KLHL1: variants seen among roughly 807,000 people sequenced by gnomAD.
KLHL1 encodes the protein kelch like family member 1, also known as kelch-like protein 1.
In KLHL1, 47 loss-of-function variants were observed where a neutral mutation model predicts 77.7. That is an observed-to-expected ratio of 0.60 (90% CI 0.48 to 0.77). The LOEUF is 0.77. KLHL1 is among the 30% of genes least tolerant of loss of function. The pLI is 0.00. For synonymous variants in KLHL1, 360 were observed against 325.2 expected (o/e 1.11, Z -1.15); for missense variants, 925 against 910.8 (o/e 1.02, Z -0.20).
rs10549532 is a variant in KLHL1, at chr13:69,996,910, A to ATTTTTTTTTTTTTTTTTT, written c.498-21126_498-21109dup. ...GAAAAGTTCTTATTTTATTCATTAA[A>ATTTTTTTTTTTTTTTTTT]TTTTTTTTTTTTTTTTTTTTTTTTT... On this transcript the variant is annotated intron_variant, in intron 1 of 10. Coordinates refer to ENST00000377844, the MANE Select transcript of KLHL1 (RefSeq NM_020866.3). Among the ~76,000 whole-genome samples the ATTTTTTTTTTTTTTTTTT allele has an allele frequency of 5.6e-4, 40 of 71,228 alleles. 2 individuals carry two copies. Among genetic ancestry groups the ATTTTTTTTTTTTTTTTTT allele is most frequent in the African/African-American group, 1.5e-3 (27 of 17,758 alleles). The allele number at this position is 71,228 out of a possible 152,430, so 46.7% of individuals were successfully genotyped here.
chr13:69,729,521 A>G (rs922132741), intron 8 of KLHL1, among the ~76,000 whole-genome samples: 1 of 152,140 alleles, frequency 6.6e-6, no homozygotes, highest in African/African-American at 2.4e-5. Flanking sequence ...CAAGGGGAAA[A>G]AATCACGTCA....
chr13:69,808,215 G>A (rs1877705381), intron 6 of KLHL1, among the ~76,000 whole-genome samples: 2 of 152,198 alleles, frequency 1.3e-5, no homozygotes, highest in African/African-American at 4.8e-5. Flanking sequence ...GGTTGAAAGA[G>A]ACTGTTTCTT....
chr13:69,716,010 G>A (rs544514850), intron 9 of KLHL1, among the ~76,000 whole-genome samples: 1 of 152,166 alleles, frequency 6.6e-6, no homozygotes, highest in South Asian at 2.1e-4. Context: ...CTGCCAAGAT[G>A]AGGCAAATGC....
At chr13:70,047,312 A>T (rs1261111222) in intron 1 of KLHL1, among the ~76,000 whole-genome samples, 1 of 151,940 alleles carries the variant, frequency 6.6e-6, no homozygotes, top group African/African-American at 2.4e-5. Flanking sequence ...ACAAAAACAA[A>T]AACAGAGACT....
rs563071275 is a variant in KLHL1, at chr13:69,983,585, A to G, written c.498-7783T>C. ...TGAGACCCTATCTTTACAAAAAAAA[A>G]AAAAAAGAAGAAGAAGAAGAGAAAA... On this transcript the variant is annotated intron_variant, in intron 1 of 10. Transcript: ENST00000377844. Among the ~76,000 whole-genome samples, 106 of 141,426 alleles carry G rather than the reference A, an allele frequency of 7.5e-4. 2 individuals carry two copies. The highest frequency in any genetic ancestry group is 3.1e-3 in the African/African-American group (102 of 32,718). The allele number at this position is 141,426 out of a possible 152,430, so 92.8% of individuals were successfully genotyped here.
intron 1 of KLHL1, among the ~76,000 whole-genome samples, chr13:70,103,791 G>T (rs954465588): frequency 2.0e-5 from 3 of 152,176 alleles, no homozygotes; most frequent in African/African-American, 7.2e-5. Flanking sequence ...GAGCAAGACA[G>T]AATAGGAATT....
intron 3 of KLHL1, among the ~76,000 whole-genome samples, chr13:69,953,756 A>G (rs1298751932): frequency 6.6e-6 from 1 of 151,240 alleles, no homozygotes; most frequent in African/African-American, 2.4e-5. Flanking sequence ...GCTGAAACAT[A>G]TAATAAATTG....
intron 1 of KLHL1, among the ~76,000 whole-genome samples, chr13:70,097,475 A>G (rs1887820145): frequency 6.6e-6 from 1 of 151,986 alleles, no homozygotes. Context: ...ATGAAGGTAA[A>G]ACTTAATTTG....
intron 7 of KLHL1, among the ~76,000 whole-genome samples, chr13:69,792,308 T>C (rs139109946): frequency 0.011 from 1,697 of 152,112 alleles, 35 homozygotes; most frequent in African/African-American, 0.038. Context: ...AAAAAGATTC[T>C]CAAAAATAAT....
At chr13:69,736,343 C>T (rs1873759973) in intron 8 of KLHL1, among the ~76,000 whole-genome samples, 1 of 151,962 alleles carries the variant, frequency 6.6e-6, no homozygotes, top group Non-Finnish European at 1.5e-5. Flanking sequence ...ATGGATTTAA[C>T]CACCTTACTC....
intron 6 of KLHL1, among the ~76,000 whole-genome samples, chr13:69,805,399 C>T (rs1362936078): frequency 6.6e-6 from 1 of 151,834 alleles, no homozygotes; most frequent in Admixed American, 6.6e-5. Flanking sequence ...CTTCTTGGCT[C>T]ATAACCAAGG....
intron 5 of KLHL1, among the ~76,000 whole-genome samples, chr13:69,861,007 G>A (rs972364703): frequency 2.0e-5 from 3 of 151,838 alleles, no homozygotes; most frequent in Admixed American, 6.6e-5. Context: ...TTGTCCATAC[G>A]GTGAGTTATG....
intron 8 of KLHL1, among the ~76,000 whole-genome samples, chr13:69,724,121 T>C (rs768654387): frequency 1.1e-4 from 17 of 152,210 alleles, no homozygotes; most frequent in South Asian, 2.1e-4. Flanking sequence ...AGTCGTGAGA[T>C]ACCGTGCCTG....
At chr13:70,054,331 G>A (rs1250585163) in intron 1 of KLHL1, among the ~76,000 whole-genome samples, 3 of 151,942 alleles carry the variant, frequency 2.0e-5, no homozygotes, top group Non-Finnish European at 4.4e-5. Flanking sequence ...CTCTGTTTTG[G>A]ACTTTAATGT....
intron 7 of KLHL1, among the ~76,000 whole-genome samples, chr13:69,781,001 T>C (rs1386230396): frequency 6.6e-6 from 1 of 151,546 alleles, no homozygotes; most frequent in African/African-American, 2.4e-5. Context: ...AGTAAGTAAG[T>C]AAGTTTCTTC....
intron 1 of KLHL1, among the ~76,000 whole-genome samples, chr13:70,069,056 A>G (rs1887078804): frequency 1.3e-5 from 2 of 152,348 alleles, no homozygotes; most frequent in Admixed American, 6.5e-5. Context: ...TTTTGCCAGA[A>G]CTAACCTATT....
chr13:69,851,393 G>C (rs1879684138), intron 5 of KLHL1, among the ~76,000 whole-genome samples: 1 of 151,716 alleles, frequency 6.6e-6, no homozygotes, highest in African/African-American at 2.4e-5. Flanking sequence ...GCCTGATGCA[G>C]ACTCAAAATC....
chr13:70,036,239 T>A (rs1001527030), intron 1 of KLHL1, among the ~76,000 whole-genome samples: 13 of 151,972 alleles, frequency 8.6e-5, no homozygotes, highest in Non-Finnish European at 1.5e-5. Context: ...ACTAGTTTTA[T>A]TTATTATTTA....
chr13:69,801,075 G>A (rs73504085), intron 6 of KLHL1, among the ~76,000 whole-genome samples: 18,911 of 152,088 alleles, frequency 0.12, 1,499 homozygotes, highest in African/African-American at 0.22. Context: ...TAAAGCCCTC[G>A]ATGGACCACA....
Sources: allele counts gnomAD v4.1 joint callset (sites outside exome capture counted in the v4.1 genomes callset), GRCh38; gene constraint gnomAD v4.1.1; transcripts MANE v1.5; gene names NCBI Gene and HGNC (gene_info 2026-07-23, HGNC 2026-07-21).